The following ZC3H7A variants were observed in gnomAD, a reference collection of about 807,000 sequenced individuals.
ZC3H7A encodes the protein zinc finger CCCH-type containing 7A.
In ZC3H7A, 44 loss-of-function variants were observed where a neutral mutation model predicts 125.5. The observed-to-expected ratio is 0.35, with a 90% CI of 0.28 to 0.45. The LOEUF (loss-of-function observed/expected upper bound fraction) is 0.45. ZC3H7A is among the 20% of genes least tolerant of loss of function. The pLI, the probability that ZC3H7A is intolerant of heterozygous loss-of-function variation, is 1.00. For synonymous variants in ZC3H7A, 399 were observed against 391.2 expected (o/e 1.02, Z -0.23); for missense variants, 977 against 1,170.7 (o/e 0.83, Z 2.41).
At chr16:11,756,426 G>A (rs2052650483) in intron 20 of ZC3H7A, 56 bp from the exon 21 acceptor site, 1 of 1,581,890 alleles carries the variant, frequency 6.3e-7, no homozygotes, top group Non-Finnish European at 8.6e-7. Context: ...TTAAATACAT[G>A]CAACTATGTG....
At chr16:11,764,784 C>CTT (rs2052826421) in intron 15 of ZC3H7A, among the ~76,000 whole-genome samples, 1 of 151,986 alleles carries the variant, frequency 6.6e-6, no homozygotes, top group Non-Finnish European at 1.5e-5. Flanking sequence ...GGGGGGGGTA[C>CTT]TTATATTTTA....
At position 11,765,522 on chromosome 16, in the gene ZC3H7A, C is replaced by T. The variant is rs2052840296; in HGVS notation, c.1686G>A (p.Gln562=). 1 of 1,613,806 alleles carries T rather than the reference C, an allele frequency of 6.2e-7. No individual in the cohort carries two copies. Among genetic ancestry groups the T allele is most frequent in the East Asian group, 2.2e-5 (1 of 44,852 alleles). The change falls in exon 14 of 23, where the codon CAG becomes CAA. Residue 562 remains glutamine (Q), a synonymous_variant. Transcript: ENST00000355758. This position sits in a 1 kb window ranked among gnomAD's most constrained non-coding sequence, Gnocchi z 4.8. ...KINLTVFKLL[Q]EHLGEFIFLC... is the part of the protein sequence containing the mutation. ...GGAATATAAATTCCCCAAGATGCTC[C>T]TGGAGAAGTTTGAACACAGTAAGGT... is the stretch of plus-strand genomic sequence containing the variant.
intron 1 of ZC3H7A, among the ~76,000 whole-genome samples, chr16:11,794,927 C>G (rs747059958): frequency 4.9e-4 from 74 of 152,064 alleles, no homozygotes; most frequent in Non-Finnish European, 6.0e-4. Flanking sequence ...AAACCCCCAA[C>G]GAAAAGTCAC....
At chr16:11,762,825 G>A (rs1390717618) in intron 16 of ZC3H7A, 78 bp from the exon 17 acceptor site, 2 of 1,389,082 alleles carry the variant, frequency 1.4e-6, no homozygotes, top group Non-Finnish European at 2.0e-6. Context: ...GTCAGACGTG[G>A]AGAACCTTCA....
At position 11,782,279 on chromosome 16, in the gene ZC3H7A, G is replaced by C. The variant is rs748054749; in HGVS notation, c.68+8C>G. The C allele has an allele frequency of 6.2e-7, 1 of 1,614,160 alleles. No homozygotes were observed. Among genetic ancestry groups the C allele is most frequent in the Admixed American group, 1.7e-5 (1 of 60,028 alleles). On this transcript the variant is annotated splice_region_variant and intron_variant, in intron 2 of 22. Coordinates refer to ENST00000355758, the MANE Select transcript of ZC3H7A (RefSeq NM_014153.4). ...GCGGCAAGAACACAAGAACTCTGAAGCTCTTACTGTATAAACTGCAGTCCT... is the reference window on the plus strand; with the variant it reads ...GCGGCAAGAACACAAGAACTCTGAACCTCTTACTGTATAAACTGCAGTCCT...
intron 13 of ZC3H7A, among the ~76,000 whole-genome samples, chr16:11,766,518 A>C: frequency 6.6e-6 from 1 of 152,260 alleles, no homozygotes; most frequent in East Asian, 1.9e-4. Context: ...GTGAGCCGAG[A>C]TTGTGCCTGT....
chr16:11,790,548 T>C lies in ZC3H7A; in HGVS notation c.-35+6576A>G, dbSNP rs1017638918. 7.9e-5 allele frequency among the ~76,000 whole-genome samples: 12 copies of C among 152,280 alleles called. No individual in the cohort carries two copies. In the East Asian group the frequency reaches 2.1e-3, roughly 27 times the overall value. ...GGTGTTGTTGTCGTCGTCGTTATTATTGTTGTTTGAGACGGAGTTTCACTC... is the reference window on the plus strand; with the variant it reads ...GGTGTTGTTGTCGTCGTCGTTATTACTGTTGTTTGAGACGGAGTTTCACTC... On this transcript the variant is annotated intron_variant, in intron 1 of 22. Coordinates refer to ENST00000355758, the MANE Select transcript of ZC3H7A (RefSeq NM_014153.4).
At chr16:11,753,535 G>A (rs567854999) in intron 21 of ZC3H7A, 2 of 152,426 alleles carry the variant, frequency 1.3e-5, no homozygotes, top group South Asian at 4.1e-4. Context: ...TTGAACTCCT[G>A]GGCTCAAGTG....
At chr16:11,787,543 C>A (rs573808023) in intron 1 of ZC3H7A, among the ~76,000 whole-genome samples, 1 of 152,202 alleles carries the variant, frequency 6.6e-6, no homozygotes, top group African/African-American at 2.4e-5. Flanking sequence ...CTCATTGCAA[C>A]CTTAAACTTC....
At chr16:11,766,640 T>G (rs1001441475) in intron 13 of ZC3H7A, among the ~76,000 whole-genome samples, 2 of 152,158 alleles carry the variant, frequency 1.3e-5, no homozygotes, top group African/African-American at 4.8e-5. Context: ...CCTTACACTC[T>G]GGGAAGCCCA....
At chr16:11,772,837 C>G (rs2053009737) in intron 9 of ZC3H7A, among the ~76,000 whole-genome samples, 1 of 151,634 alleles carries the variant, frequency 6.6e-6, no homozygotes, top group Non-Finnish European at 1.5e-5. Flanking sequence ...GCTGCGATTA[C>G]AGATATGCAC....
intron 11 of ZC3H7A, 76 bp from the exon 12 acceptor site, chr16:11,768,577 T>C (rs17234473): frequency 0.055 from 68,792 of 1,252,056 alleles, 2,342 homozygotes; most frequent in Middle Eastern, 0.092. Flanking sequence ...AGGAACTGAA[T>C]TCATCTGAAA....
At chr16:11,795,025 AAC>A (rs1394550779) in intron 1 of ZC3H7A, among the ~76,000 whole-genome samples, 1 of 152,094 alleles carries the variant, frequency 6.6e-6, no homozygotes, top group African/African-American at 2.4e-5. Context: ...CACACACACA[AAC>A]ACACACGCAC....
chr16:11,769,784 C>CTTTTTT (rs200241879), intron 10 of ZC3H7A, among the ~76,000 whole-genome samples: 5,419 of 61,220 alleles, frequency 0.089, 1,007 homozygotes, highest in African/African-American at 0.27. Context: ...CAATTGCTTT[C>CTTTTTT]TTTTTTTTTT....
At position 11,751,314 on chromosome 16, in the gene ZC3H7A, A is replaced by G. The variant is rs752703257; in HGVS notation, c.*3T>C. ...TTAGGTATCATACATAAAAGCCAGC[A>G]TATTAGTTTAAATCTTTAAACAAAA... is the stretch of plus-strand genomic sequence containing the variant. On this transcript the variant is annotated 3_prime_UTR_variant, in exon 23 of 23. Transcript: ENST00000355758. 6.2e-7 allele frequency: 1 copy of G among 1,609,650 alleles called. No homozygotes were observed. The highest frequency in any genetic ancestry group is 8.5e-7 in the Non-Finnish European group (1 of 1,177,918).
chr16:11,765,214 T>A lies in ZC3H7A; in HGVS notation c.1720-61A>T. 1 of 1,092,784 alleles carries A rather than the reference T, an allele frequency of 9.2e-7. No homozygotes were observed. Among genetic ancestry groups the A allele is most frequent in the Non-Finnish European group, 1.3e-6 (1 of 778,664 alleles). 67.7% of individuals were successfully genotyped at this position (1,092,784 alleles called of 1,614,324 possible). The stretch of plus-strand genomic sequence containing the variant: ...CAAAATATAAATTTTGTACCCAGAA[T>A]ATTGTCCTAGTTTCAATATCATTAC... On this transcript the variant is annotated intron_variant, in intron 14 of 22. Coordinates refer to ENST00000355758, the MANE Select transcript of ZC3H7A (RefSeq NM_014153.4). The surrounding 1 kb of genome is among the most constrained non-coding windows in gnomAD (Gnocchi z 4.8).
rs369224172 is a variant in ZC3H7A at position 11,768,305 on chromosome 16, T to C, written c.1360+10A>G. On this transcript the variant is annotated intron_variant, in intron 12 of 22. Coordinates refer to ENST00000355758, the MANE Select transcript of ZC3H7A (RefSeq NM_014153.4). ...GTTTAATACTCTCTGCGTGTTTGTT[T>C]GGTCCTGACCTGATTTTACAAAACA... 59 of 1,474,122 alleles carry C rather than the reference T, an allele frequency of 4.0e-5. No individual in the cohort carries two copies. The African/African-American group carries it at 7.8e-4, about 20-fold the overall frequency. The allele number at this position is 1,474,122 out of a possible 1,614,324, so 91.3% of individuals were successfully genotyped here.
Position 11,752,679 on chromosome 16 carries a change from T to C in ZC3H7A, c.2716A>G (p.Ile906Val), listed in dbSNP as rs1243201881. 5.0e-6 allele frequency: 8 copies of C among 1,610,956 alleles called. No individual in the cohort carries two copies. The highest frequency in any genetic ancestry group is 1.3e-5 in the African/African-American group (1 of 74,536). Reference protein sequence around the residue: ...QHRFPTGYFSICDRYMNGTCP... With the variant: ...QHRFPTGYFSVCDRYMNGTCP... ...TAGAAACCTACATACCTATCACAAA[T>C]ACTGAAATAGCCTGTTGGGAAGCGG... The change falls in exon 22 of 23, where the codon ATT becomes GTT. Residue 906 changes from isoleucine to valine, a missense_variant. Ile to Val is a conservative substitution (Grantham distance 29, BLOSUM62 3). Coordinates refer to ENST00000355758, the MANE Select transcript of ZC3H7A (RefSeq NM_014153.4).
At position 11,763,623 on chromosome 16, in the gene ZC3H7A, T is replaced by C; in HGVS notation, c.1857A>G (p.Lys619=). The change falls in exon 16 of 23, where the codon AAA becomes AAG. Residue 619 remains lysine, a synonymous_variant. Transcript: ENST00000355758. ...CATGAAAAGAACGTATTTTGGAGTA[T>C]TTTACTGTTGTCTCTCGCAAAATGT... The part of the protein sequence containing the change: ...LVHILRETTV[K]YSKIRSFHGQ... 6.2e-7 allele frequency: 1 copy of C among 1,600,274 alleles called. No individual in the cohort carries two copies. The highest frequency in any genetic ancestry group is 8.5e-7 in the Non-Finnish European group (1 of 1,172,438).
Sources: gnomAD v4.1 joint callset for allele counts (sites outside exome capture counted in the v4.1 genomes callset) on GRCh38, gnomAD v4.1.1 for gene constraint, Gnocchi (gnomAD v3.1) non-coding constraint, MANE v1.5 for transcripts, NCBI Gene and HGNC (gene_info 2026-07-23, HGNC 2026-07-21) for gene names.